MEGF6: variants seen among roughly 807,000 people sequenced by gnomAD.
MEGF6 encodes multiple epidermal growth factor-like domains protein 6.
A neutral mutation model predicts 207.1 loss-of-function variants in MEGF6; 184 were observed. The ratio of observed to expected loss-of-function variants is 0.89; its 90% CI spans 0.79 to 1.00. The LOEUF (loss-of-function observed/expected upper bound fraction) is 1.00. MEGF6 is among the 50% of genes least tolerant of loss of function. The pLI, the probability that MEGF6 is intolerant of heterozygous loss-of-function variation, is 0.00. For missense variants in MEGF6, 2,282 were observed against 2,202.9 expected, an observed-to-expected ratio of 1.04 and a Z score of -0.72; for synonymous variants, 1,038 against 910.0, an observed-to-expected ratio of 1.14 and a Z score of -2.53.
intron 4 of MEGF6, among the ~76,000 whole-genome samples, chr1:3,548,913 G>C (rs1012436001): frequency 5.3e-5 from 8 of 152,208 alleles, no homozygotes; most frequent in Non-Finnish European, 1.2e-4. Context: ...AGCCTGGCCT[G>C]GCACAGGGGC....
intron 3 of MEGF6, among the ~76,000 whole-genome samples, chr1:3,593,376 A>C (rs1644009789): frequency 2.0e-5 from 3 of 151,860 alleles, no homozygotes; most frequent in Non-Finnish European, 4.4e-5. Context: ...GCATCGGGGG[A>C]ACGCGGCTGC....
chr1:3,544,949 G>A (rs1376320710), intron 4 of MEGF6, among the ~76,000 whole-genome samples: 3 of 152,178 alleles, frequency 2.0e-5, no homozygotes, highest in Admixed American at 6.5e-5. Flanking sequence ...ACCGGACAGT[G>A]ACCCGCCCTT....
chr1:3,492,491 G>C, intron 35 of MEGF6, 148 bp downstream of exon 35: 1 of 1,103,358 alleles, frequency 9.1e-7, no homozygotes, highest in Non-Finnish European at 1.3e-6. Flanking sequence ...GTACCGGGTG[G>C]GGACAGATGA....
chr1:3,531,181 G>A (rs866238472), intron 4 of MEGF6: 2 of 1,521,868 alleles, frequency 1.3e-6, no homozygotes, highest in Non-Finnish European at 1.8e-6. Context: ...CGCGACGCGC[G>A]CCAGGCCCCC....
chr1:3,571,711 G>GGGTGTGCTGAGTCCTTTCCA (rs796833525), intron 4 of MEGF6, among the ~76,000 whole-genome samples: 1 of 125,912 alleles, frequency 7.9e-6, no homozygotes, highest in African/African-American at 4.3e-5. Flanking sequence ...GGGTTCTCCT[G>GGGTGTGCTGAGTCCTTTCCA]GGTGTGCTGG....
At chr1:3,581,308 C>T (rs112979669) in intron 3 of MEGF6, among the ~76,000 whole-genome samples, 8 of 152,146 alleles carry the variant, frequency 5.3e-5, no homozygotes, top group African/African-American at 1.4e-4. Flanking sequence ...CCAGGCATGG[C>T]GGCATCCCCT....
At chr1:3,554,359 T>G (rs1642975620) in intron 4 of MEGF6, among the ~76,000 whole-genome samples, 4 of 146,554 alleles carry the variant, frequency 2.7e-5, no homozygotes, top group African/African-American at 5.1e-5. Context: ...TAACAAGGGG[T>G]GGGGACCCAG....
chr1:3,596,363 C>T (rs1644065729), intron 2 of MEGF6, among the ~76,000 whole-genome samples: 1 of 151,974 alleles, frequency 6.6e-6, no homozygotes, highest in Non-Finnish European at 1.5e-5. Flanking sequence ...ACATGACGTC[C>T]CCCTCCCCAA....
intron 27 of MEGF6, 38 bp downstream of exon 27, chr1:3,497,195 C>G (rs760741510): frequency 1.3e-6 from 2 of 1,527,084 alleles, no homozygotes; most frequent in Admixed American, 4.1e-5. Context: ...TTCCCCCTGC[C>G]CAGCCGCTCC....
intron 4 of MEGF6, among the ~76,000 whole-genome samples, chr1:3,538,386 A>G (rs1451198944): frequency 1.3e-5 from 2 of 152,126 alleles, no homozygotes; most frequent in Non-Finnish European, 2.9e-5. Context: ...AACCATTCCA[A>G]TGTCAGCCTC....
chr1:3,509,793 G>C (rs538051060), intron 11 of MEGF6, 77 bp downstream of exon 11: 1 of 1,462,290 alleles, frequency 6.8e-7, no homozygotes, highest in South Asian at 1.4e-5. Flanking sequence ...GGTGGGCCAG[G>C]CCTGCGGGAC....
intron 4 of MEGF6, 137 bp downstream of exon 4, chr1:3,579,685 ATGT>A (rs1249220744): frequency 3.7e-5 from 20 of 544,138 alleles, no homozygotes; most frequent in African/African-American, 3.3e-4. Flanking sequence ...GGATTGCGGA[ATGT>A]CCTCAGAAGA....
In MEGF6 at chr1:3,493,998, C is replaced by A; in HGVS notation, c.4256G>T (p.Arg1419Met). 6.3e-7 allele frequency: 1 copy of A among 1,599,606 alleles called. No homozygotes were observed. Among genetic ancestry groups the A allele is most frequent in the African/African-American group, 1.3e-5 (1 of 74,784 alleles). The change falls in exon 33 of 37, where the codon AGG becomes ATG. Residue 1419 changes from arginine to methionine, a missense_variant and splice_region_variant. By Grantham distance (91) the Arg-to-Met change is moderately conservative. Transcript: ENST00000356575. ...PAGFHGHFCE[R>M]GCEPGSFGEG... is the part of the protein sequence containing the mutation. ...TCAGGGAGGCACCAAGCACTCACCCCTCTCACAGAAGTGGCCGTGGAAGCC... is the reference window on the plus strand; with the variant it reads ...TCAGGGAGGCACCAAGCACTCACCCATCTCACAGAAGTGGCCGTGGAAGCC...
intron 4 of MEGF6, among the ~76,000 whole-genome samples, chr1:3,557,243 C>CTA: frequency 6.6e-6 from 1 of 152,342 alleles, no homozygotes; most frequent in South Asian, 2.1e-4. Context: ...CTACCTTCTA[C>CTA]GACTAGAGAT....
At chr1:3,532,955 C>T (rs895496566) in intron 4 of MEGF6, among the ~76,000 whole-genome samples, 5 of 152,214 alleles carry the variant, frequency 3.3e-5, no homozygotes, top group Admixed American at 3.3e-4. Flanking sequence ...AAGATGCTGT[C>T]CTCAGGTCAA....
chr1:3,597,925 G>A (rs1235781909), intron 2 of MEGF6, among the ~76,000 whole-genome samples: 5 of 152,242 alleles, frequency 3.3e-5, no homozygotes, highest in African/African-American at 7.2e-5. Flanking sequence ...AGGCTCTGAG[G>A]CCTTTGTGTT....
At chr1:3,542,747 G>A (rs964273234) in intron 4 of MEGF6, among the ~76,000 whole-genome samples, 3 of 152,218 alleles carry the variant, frequency 2.0e-5, no homozygotes, top group African/African-American at 4.8e-5. Flanking sequence ...AGAGCTACTC[G>A]CCCAAGACCA....
intron 4 of MEGF6, among the ~76,000 whole-genome samples, chr1:3,558,577 GT>G (rs1392357069): frequency 6.6e-6 from 1 of 152,178 alleles, no homozygotes; most frequent in Non-Finnish European, 1.5e-5. Flanking sequence ...TTTGGAAAGA[GT>G]TTCGTTCTAA....
chr1:3,509,381 TCC>T, intron 11 of MEGF6, 136 bp from the exon 12 acceptor site: 1 of 677,714 alleles, frequency 1.5e-6, no homozygotes, highest in Non-Finnish European at 2.2e-6. Flanking sequence ...TACCCCCACC[TCC>T]TCAGCCTGGT....
Sources: gnomAD v4.1 joint callset for allele counts (sites outside exome capture counted in the v4.1 genomes callset) on GRCh38, gnomAD v4.1.1 for gene constraint, MANE v1.5 for transcripts, NCBI Gene and HGNC (gene_info 2026-07-23, HGNC 2026-07-21) for gene names.